The following TNS3 variants were observed in gnomAD, a reference collection of about 807,000 sequenced individuals.
TNS3 encodes tensin 3.
A neutral mutation model predicts 140.9 loss-of-function variants in TNS3; 45 were observed. The observed-to-expected ratio is 0.32, with a 90% CI of 0.25 to 0.41. The LOEUF is 0.41. TNS3 is among the 10% of genes least tolerant of loss of function. The pLI is 1.00. For synonymous variants in TNS3, 815 were observed against 788.4 expected (o/e 1.03, Z -0.56); for missense variants, 1,716 against 1,906.7 (o/e 0.90, Z 1.86).
chr7:47,533,844 A>C (rs1034209070), intron 1 of TNS3, among the ~76,000 whole-genome samples: 2 of 151,996 alleles, frequency 1.3e-5, no homozygotes, highest in African/African-American at 4.8e-5. Flanking sequence ...TGTGCCTTTC[A>C]CCTTTCGAAA....
intron 3 of TNS3, chr7:47,481,396 C>T (rs1217429402): frequency 6.3e-6 from 2 of 318,996 alleles, no homozygotes; most frequent in Non-Finnish European, 1.2e-5. Context: ...ATGCAAATCA[C>T]TCATAGATAC....
intron 1 of TNS3, among the ~76,000 whole-genome samples, chr7:47,575,823 A>C (rs1800662326): frequency 7.2e-5 from 1 of 13,878 alleles, no homozygotes; most frequent in Non-Finnish European, 1.7e-4. Flanking sequence ...ACTCTGCCTC[A>C]AAAAAAAAAA....
At chr7:47,335,871 T>A (rs899379775) in intron 20 of TNS3, among the ~76,000 whole-genome samples, 1 of 152,066 alleles carries the variant, frequency 6.6e-6, no homozygotes, top group Admixed American at 6.5e-5. Context: ...CTCACCCAGA[T>A]AGGAAGTCTC....
At chr7:47,545,054 G>C (rs1197152565) in intron 1 of TNS3, among the ~76,000 whole-genome samples, 1 of 152,036 alleles carries the variant, frequency 6.6e-6, no homozygotes, top group Non-Finnish European at 1.5e-5. Flanking sequence ...TTCCTCCAGG[G>C]GGGTAAAGAA....
intron 2 of TNS3, among the ~76,000 whole-genome samples, chr7:47,507,296 G>A (rs1369964898): frequency 6.8e-6 from 1 of 146,644 alleles, no homozygotes. Context: ...GATCCCTAAA[G>A]AAGAATAGTG....
rs749124202 is a variant in TNS3 at position 47,293,802 on chromosome 7, G to A, written c.3703C>T (p.Arg1235Trp). 11 of 1,614,148 alleles carry A rather than the reference G, an allele frequency of 6.8e-6. No individual in the cohort carries two copies. The highest frequency in any genetic ancestry group is 4.5e-5 in the East Asian group (2 of 44,884). ...KAGDLANELV[R>W]HFLIECTPKG... Reference sequence around the variant, plus strand: ...GGGGTACACTCGATCAAAAAGTGCCGGACGAGTTCATTGGCCAAATCTCCA... The same window carrying A: ...GGGGTACACTCGATCAAAAAGTGCCAGACGAGTTCATTGGCCAAATCTCCA... The change falls in exon 25 of 31, where the codon CGG becomes TGG. Residue 1235 changes from arginine to tryptophan, a missense_variant. Transcript: ENST00000311160.
intron 4 of TNS3, among the ~76,000 whole-genome samples, chr7:47,453,882 T>TA (rs1165114411): frequency 6.6e-6 from 1 of 152,228 alleles, no homozygotes; most frequent in Non-Finnish European, 1.5e-5. Context: ...CCTCAGCTGT[T>TA]AGACTCACCC....
chr7:47,462,120 CT>C (rs1796514825), intron 4 of TNS3, among the ~76,000 whole-genome samples: 1 of 152,210 alleles, frequency 6.6e-6, no homozygotes, highest in Non-Finnish European at 1.5e-5. Flanking sequence ...CGCAAGTTAA[CT>C]GATACTTCAG....
chr7:47,322,764 G>A (rs983355486), intron 20 of TNS3, among the ~76,000 whole-genome samples: 2 of 152,130 alleles, frequency 1.3e-5, no homozygotes, highest in African/African-American at 4.8e-5. Context: ...TGGAGACCCC[G>A]CAGAATCACA....
chr7:47,572,748 C>T (rs888586239), intron 1 of TNS3, among the ~76,000 whole-genome samples: 1 of 151,914 alleles, frequency 6.6e-6, no homozygotes, highest in Non-Finnish European at 1.5e-5. Context: ...TGGTGGCACA[C>T]GTCTGTAGTC....
At chr7:47,345,751 G>A (rs1198063472) in intron 18 of TNS3, among the ~76,000 whole-genome samples, 1 of 152,210 alleles carries the variant, frequency 6.6e-6, no homozygotes, top group Non-Finnish European at 1.5e-5. Flanking sequence ...CTGTGTGAGT[G>A]TGATGACCCT....
intron 17 of TNS3, among the ~76,000 whole-genome samples, chr7:47,358,093 T>C (rs1164530869): frequency 1.3e-5 from 2 of 152,074 alleles, no homozygotes; most frequent in Non-Finnish European, 2.9e-5. Flanking sequence ...GGTTTTCTTT[T>C]TGGATCACCC....
At chr7:47,567,020 G>C (rs977788565) in intron 1 of TNS3, among the ~76,000 whole-genome samples, 2 of 112,734 alleles carry the variant, frequency 1.8e-5, no homozygotes, top group African/African-American at 7.1e-5. Context: ...TACAAAGCCG[G>C]ACTCCATCTC....
chr7:47,485,166 G>A (rs1797564454), intron 3 of TNS3, among the ~76,000 whole-genome samples: 1 of 152,228 alleles, frequency 6.6e-6, no homozygotes, highest in African/African-American at 2.4e-5. Flanking sequence ...TGCCTGCTCT[G>A]TAACATGATG....
chr7:47,374,748 T>G (rs1791277533), intron 16 of TNS3, among the ~76,000 whole-genome samples: 1 of 152,160 alleles, frequency 6.6e-6, no homozygotes, highest in Non-Finnish European at 1.5e-5. Flanking sequence ...ATGCTACTGA[T>G]AATATGGTTC....
intron 3 of TNS3, among the ~76,000 whole-genome samples, chr7:47,492,026 T>A (rs774785099): frequency 1.1e-4 from 17 of 152,226 alleles, no homozygotes; most frequent in Non-Finnish European, 1.9e-4. Context: ...TTTGATTTAT[T>A]CATGTTTAAC....
intron 3 of TNS3, among the ~76,000 whole-genome samples, chr7:47,487,664 C>T (rs939606345): frequency 6.6e-6 from 1 of 152,162 alleles, no homozygotes; most frequent in Non-Finnish European, 1.5e-5. Flanking sequence ...ACTGACCTTG[C>T]CAAACCTTGC....
At position 47,275,514 on chromosome 7, in the gene TNS3, G is replaced by A; in HGVS notation, c.*2562C>T. On this transcript the variant is annotated 3_prime_UTR_variant, in exon 31 of 31. Transcript: ENST00000311160. Reference sequence around the variant, plus strand: ...GTGCCTGTCCAGCGGGAGCCCTGGAGACAAAATGCCTGGAAACGTTCCTTT... The same window carrying A: ...GTGCCTGTCCAGCGGGAGCCCTGGAAACAAAATGCCTGGAAACGTTCCTTT... The A allele has an allele frequency of 3.2e-6, 1 of 314,432 alleles. No homozygotes were observed. The highest frequency in any genetic ancestry group is 2.8e-5 in the South Asian group (1 of 35,452). 19.5% of individuals were successfully genotyped at this position (314,432 alleles called of 1,614,324 possible).
At position 47,569,184 on chromosome 7, in the gene TNS3, A is replaced by G. The variant is rs554880738; in HGVS notation, c.-265+12867T>C. Among the ~76,000 whole-genome samples the G allele has an allele frequency of 2.6e-5, 4 of 152,364 alleles. No homozygotes were observed. The South Asian group carries it at 6.2e-4, about 24-fold the overall frequency. On this transcript the variant is annotated intron_variant, in intron 1 of 30. Coordinates refer to ENST00000311160, the MANE Select transcript of TNS3 (RefSeq NM_022748.12). The stretch of plus-strand genomic sequence containing the variant: ...CACAAAGCAAAAAGGGGGAGAGGAG[A>G]CATTTTCCCAGGACAAGTCTGCTGG...
Sources: gnomAD v4.1 joint callset for allele counts (sites outside exome capture counted in the v4.1 genomes callset) on GRCh38, gnomAD v4.1.1 for gene constraint, MANE v1.5 for transcripts, NCBI Gene and HGNC (gene_info 2026-07-23, HGNC 2026-07-21) for gene names.